The following RBM28 variants were observed in gnomAD, a reference collection of about 807,000 sequenced individuals.
RBM28 encodes the protein RNA binding motif protein 28.
RBM28 carries 78 observed loss-of-function variants against 98.3 expected under a neutral mutation model. That is an observed-to-expected ratio of 0.79 (90% CI 0.66 to 0.96). The LOEUF (loss-of-function observed/expected upper bound fraction) is 0.96, where lower values mean the gene tolerates loss of function less well. Among genes scored for constraint, RBM28 ranks in the 40% least tolerant of loss-of-function variants. RBM28 has a pLI of 0.00. For missense variants in RBM28, 838 were observed against 913.0 expected, an observed-to-expected ratio of 0.92 and a Z score of 1.06; for synonymous variants, 306 against 330.9, an observed-to-expected ratio of 0.92 and a Z score of 0.82.
At chr7:128,331,684 G>A in intron 9 of RBM28, among the ~76,000 whole-genome samples, 1 of 151,532 alleles carries the variant, frequency 6.6e-6, no homozygotes, top group East Asian at 1.9e-4. Context: ...TTCAAAAAAA[G>A]ACAACTACTT....
intron 9 of RBM28, 62 bp downstream of exon 9, chr7:128,333,228 G>A (rs529326456): frequency 7.5e-7 from 1 of 1,341,794 alleles, no homozygotes; most frequent in African/African-American, 1.4e-5. Flanking sequence ...AAAAAGAGAA[G>A]AAGAAGGAAG....
rs60518508 is a variant in RBM28 at position 128,305,160 on chromosome 7, CAAA to C, written c.*5634_*5636del. On this transcript the variant is annotated 3_prime_UTR_variant, in exon 19 of 19. Transcript: ENST00000223073. ...GGGCAACAAGAATGAAACTCTGTCT[CAAA>C]AAAAAAAAAAAAAAAAGAAAGTTCT... The C allele has an allele frequency of 1.7e-4, 18 of 104,952 alleles. No individual in the cohort carries two copies. Among genetic ancestry groups the C allele is most frequent in the Admixed American group, 4.9e-4 (5 of 10,300 alleles). 6.5% of individuals were successfully genotyped at this position (104,952 alleles called of 1,614,324 possible).
At position 128,333,299 on chromosome 7, in the gene RBM28, A is replaced by G. The variant is rs1018016451; in HGVS notation, c.1010T>C (p.Val337Ala). Residue 337 changes from valine to alanine, a missense_variant, in exon 9 of 19, where the codon GTT (valine) becomes GCT (alanine). Coordinates refer to ENST00000223073, the MANE Select transcript of RBM28 (RefSeq NM_018077.3). ...LPSDVNEGKT[V>A]FIRNLSFDSE... ...AGGCAGAAAGACATACCTGATAAAA[A>G]CAGTTTTCCCTTCATTCACATCAGA... 2 of 1,595,586 alleles carry G rather than the reference A, an allele frequency of 1.3e-6. No individual in the cohort carries two copies. The highest frequency in any genetic ancestry group is 1.3e-5 in the African/African-American group (1 of 74,434).
chr7:128,338,172 G>T, intron 5 of RBM28, 78 bp downstream of exon 5: 1 of 1,032,826 alleles, frequency 9.7e-7, no homozygotes, highest in Non-Finnish European at 1.5e-6. Context: ...TTTTGAAAAT[G>T]CAGAAAGTGG....
In RBM28 at chr7:128,343,691, C is replaced by A; in HGVS notation, c.103G>T (p.Val35Leu). 6.2e-7 allele frequency: 1 copy of A among 1,610,546 alleles called. No homozygotes were observed. ...SQVGPVKQCF[V>L]VTEKGSKACR... ...CCGCCCCTACCTTTTTCAGTCACCA[C>A]GAAGCACTGCTTCACCGGCCCCACC... Residue 35 changes from valine (V) to leucine (L), a missense_variant, in exon 1 of 19, where the codon GTG becomes TTG. Coordinates refer to ENST00000223073, the MANE Select transcript of RBM28 (RefSeq NM_018077.3).
At position 128,338,344 on chromosome 7, in the gene RBM28, T is replaced by C; in HGVS notation, c.449-2A>G. 1 of 1,612,538 alleles carries C rather than the reference T, an allele frequency of 6.2e-7. No homozygotes were observed. The highest frequency in any genetic ancestry group is 8.5e-7 in the Non-Finnish European group (1 of 1,178,518). On this transcript the variant is annotated splice_acceptor_variant, in intron 4 of 18. Coordinates refer to ENST00000223073, the MANE Select transcript of RBM28 (RefSeq NM_018077.3). LOFTEE classifies it high-confidence loss of function. Reference sequence around the variant, plus strand: ...AACCAAAACCGCGCATCTTCCCATCTGTGTGCAAATGCACAAAGAAAGAAG... The same window carrying C: ...AACCAAAACCGCGCATCTTCCCATCCGTGTGCAAATGCACAAAGAAAGAAG...
At chr7:128,331,023 C>T in intron 9 of RBM28, 95 bp from the exon 10 acceptor site, 1 of 855,298 alleles carries the variant, frequency 1.2e-6, no homozygotes. Flanking sequence ...TATCAACTCT[C>T]CCTTGTTCAG....
At chr7:128,342,681 T>TAA (rs879672091) in intron 1 of RBM28, among the ~76,000 whole-genome samples, 52 of 144,226 alleles carry the variant, frequency 3.6e-4, no homozygotes, top group African/African-American at 1.2e-3. Context: ...ACGCAGTCTT[T>TAA]AAAAAAAAAA....
intron 18 of RBM28, among the ~76,000 whole-genome samples, chr7:128,312,393 C>T (rs918942955): frequency 4.6e-5 from 7 of 152,056 alleles, no homozygotes; most frequent in African/African-American, 1.7e-4. Context: ...AGCAAAACTC[C>T]ACCTCAAAAA....
In RBM28 at chr7:128,299,806, G is replaced by C. The variant is rs557660823; in HGVS notation, c.*10991C>G. On this transcript the variant is annotated 3_prime_UTR_variant, in exon 19 of 19. Coordinates refer to ENST00000223073, the MANE Select transcript of RBM28 (RefSeq NM_018077.3). ...CATAGCAGAGATGTAATCAAATTAAGATGAAATCATTGGGCTGGGCCTAAG... is the reference window on the plus strand; with the variant it reads ...CATAGCAGAGATGTAATCAAATTAACATGAAATCATTGGGCTGGGCCTAAG... 1 of 152,104 alleles carries C rather than the reference G, an allele frequency of 6.6e-6. No homozygotes were observed. Among genetic ancestry groups the C allele is most frequent in the Admixed American group, 6.5e-5 (1 of 15,274 alleles). 9.4% of individuals were successfully genotyped at this position (152,104 alleles called of 1,614,324 possible).
At position 128,302,496 on chromosome 7, in the gene RBM28, G is replaced by C. The variant is rs749596962; in HGVS notation, c.*8301C>G. 3 of 152,250 alleles carry C rather than the reference G, an allele frequency of 2.0e-5. No individual in the cohort carries two copies. The East Asian group carries it at 5.8e-4, about 29-fold the overall frequency. The allele number at this position is 152,250 out of a possible 1,614,324, so 9.4% of individuals were successfully genotyped here. A position where few individuals can be genotyped will look rare whatever the true frequency, so the allele number is the denominator to read the frequency against. On this transcript the variant is annotated 3_prime_UTR_variant, in exon 19 of 19. Transcript: ENST00000223073. The stretch of plus-strand genomic sequence containing the variant: ...GGGAATGAAGATGTCTGCAGAATTC[G>C]GGGAAAAGCAGTTATAAAACTGAGT...
rs897472723 is a variant in RBM28, at chr7:128,306,831, C to T, written c.*3966G>A. On this transcript the variant is annotated 3_prime_UTR_variant, in exon 19 of 19. Coordinates refer to ENST00000223073, the MANE Select transcript of RBM28 (RefSeq NM_018077.3). ...ACAAAAACTCATGTACAGCCAATGACCAGTTCAGAATAGATGCCAAAGTAA... is the reference window on the plus strand; with the variant it reads ...ACAAAAACTCATGTACAGCCAATGATCAGTTCAGAATAGATGCCAAAGTAA... 4 of 152,300 alleles carry T rather than the reference C, an allele frequency of 2.6e-5. No individual in the cohort carries two copies. Among genetic ancestry groups the T allele is most frequent in the Admixed American group, 2.6e-4 (4 of 15,268 alleles). 9.4% of individuals were successfully genotyped at this position (152,300 alleles called of 1,614,324 possible). A position where few individuals can be genotyped will look rare whatever the true frequency, so the allele number is the denominator to read the frequency against.
At chr7:128,339,554 T>A in intron 2 of RBM28, 79 bp downstream of exon 2, 1 of 1,516,588 alleles carries the variant, frequency 6.6e-7, no homozygotes, top group Middle Eastern at 1.7e-4. Flanking sequence ...AGAAGCTACC[T>A]CCATGCCTCC....
At chr7:128,341,234 A>G (rs1048244274) in intron 1 of RBM28, 3 of 1,234,728 alleles carry the variant, frequency 2.4e-6, no homozygotes, top group Admixed American at 2.5e-5. Flanking sequence ...TTAAAGCAAC[A>G]TAACATCAAT....
At position 128,343,651 on chromosome 7, in the gene RBM28, CTATCCT is replaced by C; in HGVS notation, c.118+19_118+24del. Reference sequence around the variant, plus strand: ...CCCTCGATCGCAGGAAACCCCAGCCCTATCCTCGACCGCCCCGCCCCTACCTTTTTC... The same window carrying C: ...CCCTCGATCGCAGGAAACCCCAGCCCCGACCGCCCCGCCCCTACCTTTTTC... On this transcript the variant is annotated intron_variant, in intron 1 of 18. Transcript: ENST00000223073. The C allele has an allele frequency of 6.3e-7, 1 of 1,579,532 alleles. No individual in the cohort carries two copies. Among genetic ancestry groups the C allele is most frequent in the Non-Finnish European group, 8.7e-7 (1 of 1,154,402 alleles).
chr7:128,340,390 A>G (rs1796698357), intron 1 of RBM28, among the ~76,000 whole-genome samples: 1 of 152,154 alleles, frequency 6.6e-6, no homozygotes, highest in African/African-American at 2.4e-5. Context: ...GAGCAAGCAC[A>G]TTAGCATGCT....
Position 128,298,281 on chromosome 7 carries a change from T to G in RBM28, c.*12516A>C, listed in dbSNP as rs1795734271. 6.6e-6 allele frequency: 1 copy of G among 152,232 alleles called. No individual in the cohort carries two copies. Among genetic ancestry groups the G allele is most frequent in the Non-Finnish European group, 1.5e-5 (1 of 68,042 alleles). 9.4% of individuals were successfully genotyped at this position (152,232 alleles called of 1,614,324 possible). A position where few individuals can be genotyped will look rare whatever the true frequency, so the allele number is the denominator to read the frequency against. On this transcript the variant is annotated 3_prime_UTR_variant, in exon 19 of 19. Coordinates refer to ENST00000223073, the MANE Select transcript of RBM28 (RefSeq NM_018077.3). ...TGATCTTTGTACCTACTCCCTGTTT[T>G]ACACCCCCTCCCCTTTTGAAACCCT...
chr7:128,317,775 TC>T, intron 15 of RBM28, 42 bp from the exon 16 acceptor site: 1 of 1,510,974 alleles, frequency 6.6e-7, no homozygotes, highest in Middle Eastern at 1.7e-4. Flanking sequence ...GACTTCTTAA[TC>T]TGTGCATGCA....
At chr7:128,341,493 G>A (rs1796723964) in intron 1 of RBM28, among the ~76,000 whole-genome samples, 1 of 152,232 alleles carries the variant, frequency 6.6e-6, no homozygotes, top group Non-Finnish European at 1.5e-5. Flanking sequence ...TCTTAAAGAG[G>A]TGAAGTGACA....
Sources: allele counts gnomAD v4.1 joint callset (sites outside exome capture counted in the v4.1 genomes callset), GRCh38; gene constraint gnomAD v4.1.1; transcripts MANE v1.5; gene names NCBI Gene and HGNC (gene_info 2026-07-23, HGNC 2026-07-21).